PLCL1: variants seen among roughly 807,000 people sequenced by gnomAD.
The protein encoded by PLCL1 is phospholipase C like 1 (inactive).
In PLCL1, 41 loss-of-function variants were observed where a neutral mutation model predicts 84.4. The observed-to-expected ratio is 0.49, with a 90% CI of 0.38 to 0.63. The LOEUF is 0.63. PLCL1 is among the 30% of genes least tolerant of loss of function. The pLI is 0.00. For missense variants in PLCL1, 1,206 were observed against 1,367.8 expected, an observed-to-expected ratio of 0.88 and a Z score of 1.87; for synonymous variants, 490 against 488.3, an observed-to-expected ratio of 1.00 and a Z score of -0.05.
At chr2:198,146,681 C>G in intron 5 of PLCL1, 99 bp from the exon 6 acceptor site, 1 of 965,256 alleles carries the variant, frequency 1.0e-6, no homozygotes, top group Non-Finnish European at 1.5e-6. Flanking sequence ...GGTCTGTTTC[C>G]TTATTCAGCA....
At chr2:198,029,032 A>G (rs190494062) in intron 1 of PLCL1, among the ~76,000 whole-genome samples, 3 of 152,356 alleles carry the variant, frequency 2.0e-5, no homozygotes, top group South Asian at 2.1e-4. Context: ...TTAACTTGGT[A>G]TATTCACAGC....
chr2:197,929,173 C>G (rs779279576), intron 1 of PLCL1, among the ~76,000 whole-genome samples: 6 of 152,132 alleles, frequency 3.9e-5, no homozygotes, highest in African/African-American at 1.4e-4. Flanking sequence ...ATTTGTTATA[C>G]TGTACTGAAC....
intron 1 of PLCL1, among the ~76,000 whole-genome samples, chr2:197,966,240 G>A (rs114819890): frequency 1.3e-3 from 198 of 152,082 alleles, no homozygotes; most frequent in African/African-American, 4.2e-3. Flanking sequence ...CTGTGGTTGT[G>A]GAAGAGATGG....
Position 197,900,726 on chromosome 2 carries a change from A to G in PLCL1, c.240+95387A>G, listed in dbSNP as rs574830274. On this transcript the variant is annotated intron_variant, in intron 1 of 5. Transcript: ENST00000428675. ...TTTCACTCAACTAATTATTTATTGT[A>G]TGTTTACAAAGTGAAAGGGTTGTCA... Among the ~76,000 whole-genome samples, 3 of 152,314 alleles carry G rather than the reference A, an allele frequency of 2.0e-5. No individual in the cohort carries two copies. In the South Asian group the frequency reaches 6.2e-4, roughly 32 times the overall value.
At chr2:197,817,488 C>T (rs1369660979) in intron 1 of PLCL1, among the ~76,000 whole-genome samples, 2 of 151,896 alleles carry the variant, frequency 1.3e-5, no homozygotes, top group African/African-American at 4.8e-5. Flanking sequence ...CTGTGTTTCC[C>T]AGGCTAGATT....
intron 1 of PLCL1, among the ~76,000 whole-genome samples, chr2:197,918,510 T>A (rs1399842920): frequency 6.6e-6 from 1 of 152,008 alleles, no homozygotes; most frequent in Non-Finnish European, 1.5e-5. Flanking sequence ...AGAAACGGAG[T>A]ATGGAGTATA....
At chr2:198,021,431 A>T (rs976066311) in intron 1 of PLCL1, among the ~76,000 whole-genome samples, 16 of 152,168 alleles carry the variant, frequency 1.1e-4, no homozygotes, top group Non-Finnish European at 2.4e-4. Context: ...GACACAAAAA[A>T]CGCTTCAAAA....
At chr2:198,030,253 A>G (rs537074888) in intron 1 of PLCL1, among the ~76,000 whole-genome samples, 14 of 151,964 alleles carry the variant, frequency 9.2e-5, no homozygotes, top group Admixed American at 2.0e-4. Flanking sequence ...CTTATAAGTG[A>G]GAACATATGG....
intron 1 of PLCL1, among the ~76,000 whole-genome samples, chr2:197,962,452 T>C (rs1482064426): frequency 3.3e-5 from 5 of 152,110 alleles, no homozygotes; most frequent in African/African-American, 4.8e-5. Context: ...TTCTTTTTAA[T>C]TTTTAATTTT....
chr2:198,044,130 G>C (rs1691733111), intron 1 of PLCL1, among the ~76,000 whole-genome samples: 1 of 152,024 alleles, frequency 6.6e-6, no homozygotes, highest in Non-Finnish European at 1.5e-5. Flanking sequence ...TATAAATAAG[G>C]TACAAATGTA....
chr2:198,000,694 A>G (rs1236463451), intron 1 of PLCL1, among the ~76,000 whole-genome samples: 2 of 151,892 alleles, frequency 1.3e-5, no homozygotes, highest in African/African-American at 2.4e-5. Flanking sequence ...ATTCGAGGTG[A>G]TAACACTGGT....
intron 1 of PLCL1, among the ~76,000 whole-genome samples, chr2:198,060,998 A>G (rs1692184022): frequency 6.6e-6 from 1 of 152,204 alleles, no homozygotes; most frequent in Admixed American, 6.5e-5. Context: ...CTTTCTATTT[A>G]ACTTTTCTCA....
intron 1 of PLCL1, among the ~76,000 whole-genome samples, chr2:197,928,661 TG>T (rs758919344): frequency 6.6e-6 from 1 of 152,214 alleles, no homozygotes; most frequent in Non-Finnish European, 1.5e-5. Context: ...GAAATGTTAA[TG>T]ATGGAAGTGT....
Position 197,969,412 on chromosome 2 carries a change from A to C in PLCL1, c.241-114346A>C, listed in dbSNP as rs545670569. On this transcript the variant is annotated intron_variant, in intron 1 of 5. Coordinates refer to ENST00000428675, the MANE Select transcript of PLCL1 (RefSeq NM_006226.4). ...TTAATTAGGTGGAGTGATCCTCCTG[A>C]TGTGTAAGACAGTTCCAGGCAAGTG... Among the ~76,000 whole-genome samples the C allele has an allele frequency of 2.0e-5, 3 of 152,254 alleles. No homozygotes were observed. The East Asian group carries it at 5.8e-4, about 29-fold the overall frequency.
intron 1 of PLCL1, among the ~76,000 whole-genome samples, chr2:197,933,464 C>T (rs1688989289): frequency 6.6e-6 from 1 of 151,852 alleles, no homozygotes; most frequent in African/African-American, 2.4e-5. Flanking sequence ...GGGGTTTCGC[C>T]GTGTTAGCTA....
chr2:197,999,391 C>A (rs1156810068), intron 1 of PLCL1, among the ~76,000 whole-genome samples: 1 of 152,210 alleles, frequency 6.6e-6, no homozygotes. Context: ...AATATTAGAA[C>A]ATTTTTACTA....
At chr2:197,885,616 A>G (rs1237798644) in intron 1 of PLCL1, among the ~76,000 whole-genome samples, 1 of 152,220 alleles carries the variant, frequency 6.6e-6, no homozygotes, top group Non-Finnish European at 1.5e-5. Context: ...TCAAGTTGAC[A>G]CAAAAATTAA....
intron 1 of PLCL1, among the ~76,000 whole-genome samples, chr2:197,887,425 CA>C (rs1687942862): frequency 6.6e-6 from 1 of 152,058 alleles, no homozygotes; most frequent in Admixed American, 6.6e-5. Context: ...TAACAAATTC[CA>C]AGGAGAGGAA....
intron 3 of PLCL1, among the ~76,000 whole-genome samples, chr2:198,100,462 G>A (rs1020682191): frequency 6.6e-6 from 1 of 152,062 alleles, no homozygotes; most frequent in Non-Finnish European, 1.5e-5. Context: ...AGGGCAGATG[G>A]CTTAAGAAAG....
Sources: allele counts gnomAD v4.1 joint callset (sites outside exome capture counted in the v4.1 genomes callset), GRCh38; gene constraint gnomAD v4.1.1; transcripts MANE v1.5; gene names NCBI Gene and HGNC (gene_info 2026-07-23, HGNC 2026-07-21).